Variants in PTN observed in about 807,000 individuals in gnomAD.
The protein encoded by PTN is pleiotrophin.
Under a neutral mutation model 24.1 loss-of-function variants are expected in PTN, and 18 were observed. The observed-to-expected ratio is 0.75, with a 90% confidence interval of 0.52 to 1.11. The LOEUF is 1.11. Ranked by LOEUF, PTN falls within the 50% of genes least tolerant of loss-of-function variation. The pLI, the probability that PTN is intolerant of heterozygous loss-of-function variation, is 0.00. For synonymous variants in PTN, 78 were observed against 68.6 expected (o/e 1.14, Z -0.67); for missense variants, 163 against 198.8 (o/e 0.82, Z 1.08).
Position 137,322,458 on chromosome 7 carries a change from AG to A in PTN, c.-2+20980del, listed in dbSNP as rs550750236. 1.1e-3 allele frequency among the ~76,000 whole-genome samples: 161 copies of A among 152,358 alleles called. 2 individuals are homozygous for A. The Middle Eastern group carries it at 0.014, about 13-fold the overall frequency. On this transcript the variant is annotated intron_variant, in intron 1 of 4. Coordinates refer to ENST00000348225, the MANE Select transcript of PTN (RefSeq NM_002825.7). ...TACATAGGCAGTTCTTGCTATGCAT[AG>A]TAGTTTAGGACCATAAAACTGACCT... is the stretch of plus-strand genomic sequence containing the variant.
intron 1 of PTN, among the ~76,000 whole-genome samples, chr7:137,333,107 GGTAA>G (rs1810386032): frequency 6.6e-6 from 1 of 152,016 alleles, no homozygotes; most frequent in Admixed American, 6.6e-5. Flanking sequence ...TGGGAGGGTG[GGTAA>G]GTGAGTTCCC....
chr7:137,298,117 G>T (rs916296943), intron 1 of PTN, among the ~76,000 whole-genome samples: 2 of 151,918 alleles, frequency 1.3e-5, no homozygotes, highest in African/African-American at 4.8e-5. Context: ...AGATCCACAC[G>T]CAACTTTAAG....
chr7:137,339,937 A>G (rs371006379), intron 1 of PTN, among the ~76,000 whole-genome samples: 11 of 152,218 alleles, frequency 7.2e-5, no homozygotes, highest in African/African-American at 2.7e-4. Flanking sequence ...TAAGAGCCCA[A>G]TTATCAGTTA....
chr7:137,329,988 T>C (rs1041337340), intron 1 of PTN, among the ~76,000 whole-genome samples: 14 of 152,108 alleles, frequency 9.2e-5, no homozygotes, highest in Non-Finnish European at 1.5e-4. Context: ...AACCTCCACA[T>C]GAAAATAATG....
At chr7:137,248,598 T>G (rs1308244475) in intron 4 of PTN, among the ~76,000 whole-genome samples, 1 of 152,170 alleles carries the variant, frequency 6.6e-6, no homozygotes, top group African/African-American at 2.4e-5. Flanking sequence ...GAGAATCACT[T>G]GAACCCAGGA....
intron 1 of PTN, among the ~76,000 whole-genome samples, chr7:137,289,427 G>A (rs926637811): frequency 3.3e-5 from 5 of 152,118 alleles, no homozygotes; most frequent in African/African-American, 7.2e-5. Flanking sequence ...CTTATCGATC[G>A]AGCAACCACG....
rs557172266 is a variant in PTN at position 137,280,790 on chromosome 7, T to G, written c.-1-25816A>C. Among the ~76,000 whole-genome samples, 173 of 141,456 alleles carry G rather than the reference T, an allele frequency of 1.2e-3. 2 individuals are homozygous for G. The highest frequency in any genetic ancestry group is 3.0e-3 in the Admixed American group (41 of 13,582). The allele number at this position is 141,456 out of a possible 152,430, so 92.8% of individuals were successfully genotyped here. On this transcript the variant is annotated intron_variant, in intron 1 of 4. Coordinates refer to ENST00000348225, the MANE Select transcript of PTN (RefSeq NM_002825.7). ...GGGAGGCTGAGGCCCAAGAATTGGT[T>G]AAACCTGGGAGGCAGAGGCTGCAGT...
At chr7:137,263,444 T>C (rs1006862210) in intron 1 of PTN, among the ~76,000 whole-genome samples, 1 of 152,198 alleles carries the variant, frequency 6.6e-6, no homozygotes, top group Admixed American at 6.5e-5. Context: ...CGAGAGCCAA[T>C]CTATTTTGAT....
intron 4 of PTN, among the ~76,000 whole-genome samples, chr7:137,248,233 T>C (rs973082479): frequency 7.2e-5 from 11 of 152,010 alleles, no homozygotes; most frequent in African/African-American, 2.2e-4. Flanking sequence ...TTGAGAAAAA[T>C]AGTACAAAAA....
chr7:137,334,755 G>A (rs1162026), intron 1 of PTN, among the ~76,000 whole-genome samples: 57,883 of 150,408 alleles, frequency 0.38, 11,414 homozygotes, highest in South Asian at 0.46. Context: ...TATGTTTATC[G>A]CGGCACTATT....
intron 1 of PTN, among the ~76,000 whole-genome samples, chr7:137,288,512 A>G (rs1467586044): frequency 2.7e-4 from 41 of 152,354 alleles, no homozygotes. Flanking sequence ...GGGGCCTCCA[A>G]TGAAAACAGC....
chr7:137,266,205 CTT>C (rs1168318535), intron 1 of PTN, among the ~76,000 whole-genome samples: 3 of 152,120 alleles, frequency 2.0e-5, no homozygotes, highest in African/African-American at 7.2e-5. Flanking sequence ...CTGGATGATA[CTT>C]TTTTAAGTTT....
intron 4 of PTN, among the ~76,000 whole-genome samples, chr7:137,244,626 C>T (rs928599451): frequency 3.3e-5 from 5 of 150,928 alleles, no homozygotes; most frequent in East Asian, 2.0e-4. Context: ...TGAGAACATG[C>T]GATGTTTGGT....
At chr7:137,250,056 T>C (rs1237306855) in intron 4 of PTN, among the ~76,000 whole-genome samples, 1 of 152,196 alleles carries the variant, frequency 6.6e-6, no homozygotes, top group Non-Finnish European at 1.5e-5. Context: ...TGGTCATTTT[T>C]CTGAATCTCT....
intron 1 of PTN, chr7:137,318,496 G>T (rs1302022210): frequency 6.6e-6 from 1 of 152,086 alleles, no homozygotes; most frequent in East Asian, 1.9e-4. Context: ...TTATATATTT[G>T]TGCTCATCGT....
chr7:137,259,968 T>A (rs1283096850), intron 1 of PTN, among the ~76,000 whole-genome samples: 1 of 152,128 alleles, frequency 6.6e-6, no homozygotes, highest in African/African-American at 2.4e-5. Flanking sequence ...AACTATTATG[T>A]CTCCCACTTT....
At chr7:137,281,126 T>C (rs1294932201) in intron 1 of PTN, among the ~76,000 whole-genome samples, 1 of 152,110 alleles carries the variant, frequency 6.6e-6, no homozygotes, top group Non-Finnish European at 1.5e-5. Context: ...AGCCAAGTTA[T>C]GTTAGAACAG....
At chr7:137,302,078 C>T (rs1418472114) in intron 1 of PTN, among the ~76,000 whole-genome samples, 1 of 151,914 alleles carries the variant, frequency 6.6e-6, no homozygotes, top group African/African-American at 2.4e-5. Flanking sequence ...TAAAAGAAAT[C>T]AGTTAAGAAA....
intron 1 of PTN, among the ~76,000 whole-genome samples, chr7:137,336,607 A>G (rs1188566001): frequency 6.6e-6 from 1 of 152,200 alleles, no homozygotes; most frequent in Non-Finnish European, 1.5e-5. Context: ...ATCTGCATTT[A>G]GAGAGAAGGA....
Sources: allele counts gnomAD v4.1 joint callset (sites outside exome capture counted in the v4.1 genomes callset), GRCh38; gene constraint gnomAD v4.1.1; transcripts MANE v1.5; gene names NCBI Gene and HGNC (gene_info 2026-07-23, HGNC 2026-07-21).